MGAT5: variants seen among roughly 807,000 people sequenced by gnomAD.
MGAT5 encodes alpha-1,6-mannosylglycoprotein 6-beta-N-acetylglucosaminyltransferase.
A neutral mutation model predicts 94.3 loss-of-function variants in MGAT5; 30 were observed. The observed-to-expected ratio is 0.32, with a 90% CI of 0.24 to 0.43. The LOEUF (loss-of-function observed/expected upper bound fraction) is 0.43, where lower values mean the gene tolerates loss of function less well. Ranked by LOEUF, MGAT5 falls within the 20% of genes least tolerant of loss-of-function variation. MGAT5 has a pLI of 1.00. For synonymous variants in MGAT5, 310 were observed against 322.9 expected (o/e 0.96, Z 0.43); for missense variants, 691 against 905.5 (o/e 0.76, Z 3.04).
chr2:134,274,623 C>A (rs1684237986), intron 2 of MGAT5, among the ~76,000 whole-genome samples: 1 of 152,214 alleles, frequency 6.6e-6, no homozygotes, highest in African/African-American at 2.4e-5. Flanking sequence ...AAAGAGTTGT[C>A]ATTCAAGGTC....
At chr2:134,315,023 T>G (rs755420961) in intron 2 of MGAT5, among the ~76,000 whole-genome samples, 1 of 152,218 alleles carries the variant, frequency 6.6e-6, no homozygotes, top group South Asian at 2.1e-4. Context: ...TTACTCTCTG[T>G]TTCTTTACAA....
chr2:134,325,010 T>A (rs77698324), intron 4 of MGAT5, among the ~76,000 whole-genome samples: 94 of 148,150 alleles, frequency 6.3e-4, no homozygotes, highest in South Asian at 8.5e-4. Context: ...TAAAAGAATT[T>A]AAAAAAAAAA....
chr2:134,341,853 C>T (rs1407003372), intron 7 of MGAT5, 94 bp downstream of exon 7: 5 of 1,111,230 alleles, frequency 4.5e-6, no homozygotes, highest in African/African-American at 3.2e-5. Flanking sequence ...AATTTTTTGT[C>T]GAGGAAAATG....
intron 10 of MGAT5, among the ~76,000 whole-genome samples, chr2:134,384,520 A>G (rs1228222539): frequency 6.6e-6 from 1 of 152,242 alleles, no homozygotes; most frequent in Non-Finnish European, 1.5e-5. Flanking sequence ...TAGTAAAACA[A>G]AGTCTCAGTT....
chr2:134,447,210 C>T (rs541797964), intron 15 of MGAT5, among the ~76,000 whole-genome samples: 84 of 152,332 alleles, frequency 5.5e-4, no homozygotes, highest in African/African-American at 2.0e-3. Context: ...GCTCCCCATC[C>T]TCATCCCCTC....
chr2:134,367,689 A>T (rs1181228034), intron 10 of MGAT5, among the ~76,000 whole-genome samples: 1 of 152,208 alleles, frequency 6.6e-6, no homozygotes, highest in Non-Finnish European at 1.5e-5. Flanking sequence ...TCTTGATTGT[A>T]TTCTTCTGTA....
intron 10 of MGAT5, among the ~76,000 whole-genome samples, chr2:134,371,689 A>G (rs1349005214): frequency 6.6e-6 from 1 of 152,162 alleles, no homozygotes; most frequent in Non-Finnish European, 1.5e-5. Flanking sequence ...TGATGATGGA[A>G]TAGTCTGTGG....
intron 10 of MGAT5, among the ~76,000 whole-genome samples, chr2:134,378,617 CT>C (rs70973450): frequency 1.1e-4 from 16 of 139,832 alleles, no homozygotes; most frequent in Admixed American, 2.2e-4. Flanking sequence ...ATCTGGATTA[CT>C]TTTTTTTTTT....
chr2:134,158,652 C>G (rs1687588850), intron 1 of MGAT5, among the ~76,000 whole-genome samples: 1 of 152,146 alleles, frequency 6.6e-6, no homozygotes, highest in South Asian at 2.1e-4. Context: ...TCCTGCCCCA[C>G]CAATTCGGAA....
At chr2:134,228,185 GTGAC>G (rs1681165412) in intron 1 of MGAT5, among the ~76,000 whole-genome samples, 1 of 152,180 alleles carries the variant, frequency 6.6e-6, no homozygotes, top group South Asian at 2.1e-4. Flanking sequence ...TGATGAGTGT[GTGAC>G]TGTGTGTGTT....
At chr2:134,147,321 C>T (rs907553257) in intron 1 of MGAT5, among the ~76,000 whole-genome samples, 9 of 152,110 alleles carry the variant, frequency 5.9e-5, no homozygotes, top group East Asian at 1.9e-4. Context: ...AACATGTTCA[C>T]GGTCTATGCA....
chr2:134,433,254 G>A lies in MGAT5; in HGVS notation c.1869+4815G>A, dbSNP rs546754422. On this transcript the variant is annotated intron_variant, in intron 14 of 15. Coordinates refer to ENST00000281923, the MANE Select transcript of MGAT5 (RefSeq NM_002410.5). ...TATTGCTGAATAGTATTCCATGTAT[G>A]TACAGATTAATATCACAATTTGTTT... 9.2e-5 allele frequency among the ~76,000 whole-genome samples: 14 copies of A among 152,306 alleles called. No individual in the cohort carries two copies. The East Asian group carries it at 1.2e-3, about 13-fold the overall frequency.
intron 14 of MGAT5, among the ~76,000 whole-genome samples, chr2:134,434,266 G>A (rs1685049895): frequency 6.6e-6 from 1 of 152,188 alleles, no homozygotes; most frequent in Non-Finnish European, 1.5e-5. Context: ...CAAAGGCGGT[G>A]CTCTCACCTC....
chr2:134,129,392 A>G (rs182113387), intron 1 of MGAT5, among the ~76,000 whole-genome samples: 4 of 152,322 alleles, frequency 2.6e-5, no homozygotes, highest in East Asian at 3.9e-4. Flanking sequence ...GGTACTTGAT[A>G]TAATGCCATC....
chr2:134,424,823 C>T (rs1684488842), intron 13 of MGAT5, among the ~76,000 whole-genome samples: 1 of 152,228 alleles, frequency 6.6e-6, no homozygotes, highest in Non-Finnish European at 1.5e-5. Context: ...CATTTCTTGG[C>T]TTGCAGCCTC....
chr2:134,403,274 T>TG, intron 11 of MGAT5, 137 bp downstream of exon 11: 1 of 791,160 alleles, frequency 1.3e-6, no homozygotes, highest in East Asian at 3.0e-5. Flanking sequence ...GCTAGACCAA[T>TG]GGCAGCTGAA....
intron 1 of MGAT5, among the ~76,000 whole-genome samples, chr2:134,148,883 C>G (rs979703419): frequency 2.6e-5 from 4 of 151,532 alleles, no homozygotes; most frequent in Non-Finnish European, 5.9e-5. Flanking sequence ...CTCAGCCTCC[C>G]GAGTAGCTGG....
intron 1 of MGAT5, among the ~76,000 whole-genome samples, chr2:134,229,522 A>G (rs1681242283): frequency 6.6e-6 from 1 of 152,214 alleles, no homozygotes; most frequent in African/African-American, 2.4e-5. Flanking sequence ...TCATAGTTTT[A>G]TGTTTTAAAA....
At chr2:134,143,793 A>T (rs1006663723) in intron 1 of MGAT5, among the ~76,000 whole-genome samples, 1 of 152,208 alleles carries the variant, frequency 6.6e-6, no homozygotes, top group Non-Finnish European at 1.5e-5. Context: ...TATTCATTTA[A>T]TCTTTCTGGT....
Sources: allele counts gnomAD v4.1 joint callset (sites outside exome capture counted in the v4.1 genomes callset), GRCh38; gene constraint gnomAD v4.1.1; transcripts MANE v1.5; gene names NCBI Gene and HGNC (gene_info 2026-07-23, HGNC 2026-07-21).